EHBP1: variants seen among roughly 807,000 people sequenced by gnomAD.
EHBP1 encodes EH domain binding protein 1.
A neutral mutation model predicts 144.0 loss-of-function variants in EHBP1; 55 were observed. The observed-to-expected ratio is 0.38, with a 90% CI of 0.31 to 0.48. The LOEUF is 0.48. Ranked by LOEUF, EHBP1 falls within the 20% of genes least tolerant of loss-of-function variation. The probability of loss-of-function intolerance (pLI) is 0.98; values close to 1 mark genes in which losing one functional copy is unlikely to be tolerated. For missense variants in EHBP1, 1,200 were observed against 1,364.2 expected, an observed-to-expected ratio of 0.88 and a Z score of 1.90; for synonymous variants, 469 against 472.7, an observed-to-expected ratio of 0.99 and a Z score of 0.10.
intron 5 of EHBP1, among the ~76,000 whole-genome samples, chr2:62,790,438 T>A (rs1386209220): frequency 6.6e-6 from 1 of 152,156 alleles, no homozygotes; most frequent in Non-Finnish European, 1.5e-5. Context: ...TATTTGAAGT[T>A]GCATTTTATT....
At chr2:62,759,207 T>C (rs1296929968) in intron 3 of EHBP1, among the ~76,000 whole-genome samples, 1 of 152,174 alleles carries the variant, frequency 6.6e-6, no homozygotes, top group Non-Finnish European at 1.5e-5. Context: ...GGATAATGTA[T>C]CCTAACTTTT....
chr2:62,803,684 T>A (rs945211046), intron 5 of EHBP1, among the ~76,000 whole-genome samples: 31 of 152,250 alleles, frequency 2.0e-4, no homozygotes, highest in African/African-American at 7.2e-4. Flanking sequence ...CCTTATGTGT[T>A]CTATACATTG....
chr2:62,773,850 C>CAAAAAAAAAAAA lies in EHBP1; in HGVS notation c.312+2482_312+2493dup, dbSNP rs570715468. Among the ~76,000 whole-genome samples, 23 of 41,540 alleles carry CAAAAAAAAAAAA rather than the reference C, an allele frequency of 5.5e-4. 2 individuals carry two copies. The highest frequency in any genetic ancestry group is 2.2e-3 in the East Asian group (2 of 914). The allele number at this position is 41,540 out of a possible 152,430, so 27.3% of individuals were successfully genotyped here. ...TAGGTGATACAGCAAGACTCCATCT[C>CAAAAAAAAAAAA]AAAAAAAAAAAAAAAAAAAAAAAAA... On this transcript the variant is annotated intron_variant, in intron 5 of 22. Transcript: ENST00000431489.
chr2:62,808,590 C>T (rs888804015), intron 5 of EHBP1, among the ~76,000 whole-genome samples: 1 of 152,118 alleles, frequency 6.6e-6, no homozygotes, highest in Non-Finnish European at 1.5e-5. Context: ...TCTGATTATT[C>T]CACCATCTCT....
At chr2:62,798,935 C>T (rs764738719) in intron 5 of EHBP1, among the ~76,000 whole-genome samples, 17 of 132,744 alleles carry the variant, frequency 1.3e-4, no homozygotes, top group Middle Eastern at 4.9e-3. Context: ...ACCTGGGAGG[C>T]GGAGCTTGCA....
At chr2:62,756,878 A>G (rs563688750) in intron 3 of EHBP1, among the ~76,000 whole-genome samples, 1 of 152,222 alleles carries the variant, frequency 6.6e-6, no homozygotes, top group African/African-American at 2.4e-5. Context: ...AAATGATTAT[A>G]TTATTATAAA....
At chr2:63,043,423 G>A (rs1054295850) in intron 21 of EHBP1, among the ~76,000 whole-genome samples, 17 of 152,156 alleles carry the variant, frequency 1.1e-4, no homozygotes, top group African/African-American at 3.4e-4. Flanking sequence ...TAAAGTATTT[G>A]TGTGGTTTTA....
At chr2:62,937,072 T>C (rs2056434194) in intron 10 of EHBP1, among the ~76,000 whole-genome samples, 2 of 152,214 alleles carry the variant, frequency 1.3e-5, no homozygotes, top group African/African-American at 4.8e-5. Flanking sequence ...AGAAAGACTC[T>C]TGAAGTTGAA....
At chr2:62,850,343 G>T (rs910464273) in intron 7 of EHBP1, among the ~76,000 whole-genome samples, 3 of 152,000 alleles carry the variant, frequency 2.0e-5, no homozygotes, top group Admixed American at 1.3e-4. Context: ...AAAGGAAAAA[G>T]CCACCTACTC....
intron 5 of EHBP1, among the ~76,000 whole-genome samples, chr2:62,773,761 G>C (rs144255164): frequency 0.023 from 3,260 of 142,724 alleles, 55 homozygotes; most frequent in Non-Finnish European, 0.035. Context: ...TGAGGCAGGA[G>C]AATTGCTTGA....
intron 10 of EHBP1, among the ~76,000 whole-genome samples, chr2:62,893,386 A>G (rs2052616878): frequency 6.6e-6 from 1 of 152,168 alleles, no homozygotes; most frequent in African/African-American, 2.4e-5. Flanking sequence ...AGAATCTGAA[A>G]TCTCTTCAAG....
chr2:62,711,002 A>G (rs973882037), intron 2 of EHBP1, among the ~76,000 whole-genome samples: 2 of 152,218 alleles, frequency 1.3e-5, no homozygotes, highest in Non-Finnish European at 2.9e-5. Flanking sequence ...AACAGAAAAA[A>G]GCATTAATTA....
In EHBP1 at chr2:62,826,162, A is replaced by G. The variant is rs751695859; in HGVS notation, c.388A>G (p.Thr130Ala). The G allele has an allele frequency of 1.9e-6, 3 of 1,610,840 alleles. No individual in the cohort carries two copies. The highest frequency in any genetic ancestry group is 4.5e-5 in the East Asian group (2 of 44,596). The change falls in exon 6 of 23, where the codon ACT becomes GCT. Residue 130 changes from threonine (T) to alanine (A), a missense_variant. Physicochemically the swap from Thr to Ala is moderately conservative, Grantham distance 58. This residue lies in a region of EHBP1 where 137 missense variants were observed against 190.1 expected (regional missense o/e 0.72). Transcript: ENST00000431489. ...GAAACAGTATGCAAGCCCTATGCCA[A>G]CTCAGACTGATGTCAAGTTAAAATT... is the stretch of plus-strand genomic sequence containing the variant. Reference protein sequence around the residue: ...NMKQYASPMPTQTDVKLKFKP... With the variant: ...NMKQYASPMPAQTDVKLKFKP...
chr2:62,829,574 TG>T (rs2046635248), intron 6 of EHBP1, among the ~76,000 whole-genome samples: 1 of 18,652 alleles, frequency 5.4e-5, no homozygotes, highest in African/African-American at 1.4e-3. Flanking sequence ...TTCTATGTTG[TG>T]TGTGTGTGTG....
intron 6 of EHBP1, 104 bp from the exon 7 acceptor site, chr2:62,830,915 T>G: frequency 8.4e-7 from 1 of 1,196,232 alleles, no homozygotes; most frequent in Non-Finnish European, 1.2e-6. Flanking sequence ...AAAGACTTAT[T>G]GACATACCTT....
At chr2:62,770,399 G>A (rs988734157) in intron 4 of EHBP1, among the ~76,000 whole-genome samples, 25 of 152,080 alleles carry the variant, frequency 1.6e-4, no homozygotes, top group African/African-American at 6.0e-4. Context: ...TAGCCAACAA[G>A]CATATGAAAA....
chr2:62,910,514 T>C (rs2054135574), intron 10 of EHBP1, among the ~76,000 whole-genome samples: 1 of 152,120 alleles, frequency 6.6e-6, no homozygotes, highest in Admixed American at 6.6e-5. Context: ...TTGTAAACTC[T>C]ATAAGAAAGT....
At chr2:63,044,329 A>C (rs183493671) in intron 21 of EHBP1, 1 of 151,142 alleles carries the variant, frequency 6.6e-6, no homozygotes, top group African/African-American at 2.4e-5. Context: ...TCCAACCTTT[A>C]ACATAGGGTT....
At chr2:62,681,342 A>ATATATATATATATATATATATATATATAT (rs2033513895) in intron 1 of EHBP1, among the ~76,000 whole-genome samples, 1 of 96,998 alleles carries the variant, frequency 1.0e-5, no homozygotes, top group African/African-American at 5.5e-5. Context: ...GTGTGTGTGT[A>ATATATATATATATATATATATATATATAT]TATATATATA....
Sources: gnomAD v4.1 joint callset for allele counts (sites outside exome capture counted in the v4.1 genomes callset) on GRCh38, gnomAD v4.1.1 for gene constraint, gnomAD v4.1.1 regional missense constraint, MANE v1.5 for transcripts, NCBI Gene and HGNC (gene_info 2026-07-23, HGNC 2026-07-21) for gene names.